Variants in KIF26B observed in about 807,000 individuals in gnomAD.
KIF26B encodes kinesin-like protein KIF26B.
Under a neutral mutation model 151.2 loss-of-function variants are expected in KIF26B, and 63 were observed. The observed-to-expected ratio is 0.42, with a 90% CI of 0.34 to 0.51. The LOEUF (loss-of-function observed/expected upper bound fraction) is 0.51, where lower values mean the gene tolerates loss of function less well. Ranked by LOEUF, KIF26B falls within the 20% of genes least tolerant of loss-of-function variation. The pLI is 0.07. For synonymous variants in KIF26B, 1,357 were observed against 1,262.1 expected (o/e 1.08, Z -1.59); for missense variants, 2,813 against 2,913.6 (o/e 0.97, Z 0.79).
intron 2 of KIF26B, among the ~76,000 whole-genome samples, chr1:245,285,894 G>T (rs982290037): frequency 5.3e-5 from 8 of 151,252 alleles, no homozygotes; most frequent in South Asian, 2.1e-4. Flanking sequence ...AGCTACTTGG[G>T]AGGCTGAGGT....
intron 2 of KIF26B, among the ~76,000 whole-genome samples, chr1:245,355,613 G>C (rs75446839): frequency 1.7e-5 from 2 of 121,158 alleles, no homozygotes; most frequent in Non-Finnish European, 3.1e-5. Context: ...AAAAAAAAAA[G>C]AAGAAGAAGA....
intron 5 of KIF26B, among the ~76,000 whole-genome samples, chr1:245,548,290 A>C (rs1661794799): frequency 6.6e-6 from 1 of 152,198 alleles, no homozygotes; most frequent in Admixed American, 6.5e-5. Flanking sequence ...AACTTAAAAA[A>C]AAAAATTCTA....
intron 3 of KIF26B, among the ~76,000 whole-genome samples, chr1:245,397,239 G>C (rs969797711): frequency 4.0e-5 from 6 of 149,712 alleles, no homozygotes; most frequent in Non-Finnish European, 8.9e-5. Flanking sequence ...TTTTGAGACA[G>C]AGTTTCACTC....
chr1:245,520,404 T>C (rs1425744943), intron 4 of KIF26B, among the ~76,000 whole-genome samples: 1 of 152,220 alleles, frequency 6.6e-6, no homozygotes, highest in African/African-American at 2.4e-5. Context: ...ACACAATAAT[T>C]GTATTTGTTT....
In KIF26B at chr1:245,316,842, C is replaced by T. The variant is rs576046712; in HGVS notation, c.466-49992C>T. On this transcript the variant is annotated intron_variant, in intron 2 of 14. Coordinates refer to ENST00000407071, the MANE Select transcript of KIF26B (RefSeq NM_018012.4). ...ACAAACCAGAACTAGTTCAAGGACC[C>T]TCACAATCACCTTCAAGGGACAAAA... is the stretch of plus-strand genomic sequence containing the variant. Among the ~76,000 whole-genome samples the T allele has an allele frequency of 3.9e-3, 600 of 152,128 alleles. 3 individuals are homozygous for T. Among genetic ancestry groups the T allele is most frequent in the Middle Eastern group, 0.014 (4 of 294 alleles).
chr1:245,171,214 C>T (rs1162328899), intron 2 of KIF26B, among the ~76,000 whole-genome samples: 3 of 152,214 alleles, frequency 2.0e-5, no homozygotes, highest in Non-Finnish European at 4.4e-5. Flanking sequence ...CACATTATAT[C>T]TCTTCAGCAC....
chr1:245,586,892 CA>C (rs10715064), intron 5 of KIF26B, among the ~76,000 whole-genome samples: 33,394 of 111,376 alleles, frequency 0.3, 3,793 homozygotes, highest in African/African-American at 0.34. Context: ...GACTCCGTCT[CA>C]AAAAAAAAAA....
At chr1:245,505,084 A>C (rs1660705574) in intron 4 of KIF26B, among the ~76,000 whole-genome samples, 1 of 151,846 alleles carries the variant, frequency 6.6e-6, no homozygotes, top group African/African-American at 2.4e-5. Context: ...GATTACAGGC[A>C]CGTGCCACCA....
rs576059362 is a variant in KIF26B at position 245,332,721 on chromosome 1, G to C, written c.466-34113G>C. Among the ~76,000 whole-genome samples the C allele has an allele frequency of 7.2e-5, 11 of 152,264 alleles. No homozygotes were observed. In the South Asian group the frequency reaches 2.3e-3, roughly 32 times the overall value. ...TTGCACAAGACAGCGAGGAGTGCTG[G>C]CTGGTTTGCTGGCGCCCAGCACTAT... On this transcript the variant is annotated intron_variant, in intron 2 of 14. Transcript: ENST00000407071.
rs184512269 is a variant in KIF26B at position 245,400,716 on chromosome 1, G to T, written c.1000-18863G>T. 3.2e-3 allele frequency among the ~76,000 whole-genome samples: 492 copies of T among 152,204 alleles called. 2 individuals are homozygous for T. The highest frequency in any genetic ancestry group is 0.012 in the African/African-American group (483 of 41,554). On this transcript the variant is annotated intron_variant, in intron 3 of 14. Coordinates refer to ENST00000407071, the MANE Select transcript of KIF26B (RefSeq NM_018012.4). ...GTAGACTTTTTTATATTGATTACAT[G>T]TTGAAATGATAATATTTTGGATATG...
At chr1:245,158,519 G>A (rs918997616) in intron 2 of KIF26B, among the ~76,000 whole-genome samples, 3 of 152,150 alleles carry the variant, frequency 2.0e-5, no homozygotes, top group African/African-American at 7.2e-5. Flanking sequence ...TGAGGTGATG[G>A]CCCCAGAAGA....
chr1:245,630,969 C>T (rs1177104397), intron 9 of KIF26B, among the ~76,000 whole-genome samples: 3 of 152,046 alleles, frequency 2.0e-5, no homozygotes, highest in Admixed American at 6.6e-5. Context: ...TGTGTAGAAA[C>T]ACTACTGATT....
intron 2 of KIF26B, among the ~76,000 whole-genome samples, chr1:245,217,438 C>T (rs754694147): frequency 1.3e-5 from 2 of 151,176 alleles, no homozygotes; most frequent in African/African-American, 4.9e-5. Flanking sequence ...AATCTCGGCC[C>T]GCTGCAACCT....
At chr1:245,382,399 C>A (rs1169264345) in intron 3 of KIF26B, among the ~76,000 whole-genome samples, 1 of 152,100 alleles carries the variant, frequency 6.6e-6, no homozygotes, top group African/African-American at 2.4e-5. Flanking sequence ...GCCTCAATTT[C>A]CTCTTCCATA....
At chr1:245,657,187 T>G (rs2044084320) in intron 10 of KIF26B, among the ~76,000 whole-genome samples, 1 of 152,178 alleles carries the variant, frequency 6.6e-6, no homozygotes, top group East Asian at 1.9e-4. Flanking sequence ...TAAGCATACA[T>G]TTTTTTAGTT....
chr1:245,213,518 C>A (rs1043754121), intron 2 of KIF26B, among the ~76,000 whole-genome samples: 1 of 152,126 alleles, frequency 6.6e-6, no homozygotes, highest in African/African-American at 2.4e-5. Context: ...CCAGGCAGAC[C>A]TAAAGCAGAG....
At chr1:245,165,193 A>AGG (rs966114635) in intron 2 of KIF26B, among the ~76,000 whole-genome samples, 1 of 151,826 alleles carries the variant, frequency 6.6e-6, no homozygotes, top group African/African-American at 2.4e-5. Flanking sequence ...AGACTGAACT[A>AGG]GGGTAGTACA....
At chr1:245,339,343 C>T (rs1405508174) in intron 2 of KIF26B, among the ~76,000 whole-genome samples, 1 of 152,130 alleles carries the variant, frequency 6.6e-6, no homozygotes, top group African/African-American at 2.4e-5. Context: ...CTAAGGCGGC[C>T]ATGTTGGTTT....
intron 2 of KIF26B, among the ~76,000 whole-genome samples, chr1:245,181,006 C>A (rs1380631788): frequency 6.6e-6 from 1 of 152,160 alleles, no homozygotes; most frequent in Admixed American, 6.5e-5. Context: ...CTGTCCCAGT[C>A]TGTGACAGAC....
Sources: allele counts gnomAD v4.1 joint callset (sites outside exome capture counted in the v4.1 genomes callset), GRCh38; gene constraint gnomAD v4.1.1; transcripts MANE v1.5; gene names NCBI Gene and HGNC (gene_info 2026-07-23, HGNC 2026-07-21).